MIB1: variants seen among roughly 807,000 people sequenced by gnomAD.
MIB1 encodes the protein E3 ubiquitin-protein ligase MIB1.
MIB1 carries 278 observed loss-of-function variants against 124.5 expected under a neutral mutation model. The observed-to-expected ratio is 2.23, with a 90% CI of 2.02 to 2.47. The LOEUF is 2.47. Among genes scored for constraint, MIB1 ranks in the 30% most tolerant of loss-of-function variants. The probability of loss-of-function intolerance (pLI) is 0.00; values close to 1 mark genes in which losing one functional copy is unlikely to be tolerated. For synonymous variants in MIB1, 446 were observed against 429.4 expected (o/e 1.04, Z -0.48); for missense variants, 957 against 1,254.4 (o/e 0.76, Z 3.58).
intron 12 of MIB1, among the ~76,000 whole-genome samples, chr18:21,825,193 T>C (rs913369531): frequency 2.6e-5 from 4 of 152,118 alleles, no homozygotes; most frequent in African/African-American, 9.6e-5. Context: ...CCTGCTAACA[T>C]TCAGGTAAAT....
At chr18:21,818,267 T>C (rs1057479712) in intron 11 of MIB1, among the ~76,000 whole-genome samples, 1 of 152,002 alleles carries the variant, frequency 6.6e-6, no homozygotes, top group African/African-American at 2.4e-5. Context: ...TTTTTTTCTC[T>C]TTTTTTTCCT....
At position 21,741,512 on chromosome 18, in the gene MIB1, T is replaced by A. The variant is rs985992927; in HGVS notation, c.-72T>A. 2.8e-6 allele frequency: 3 copies of A among 1,055,190 alleles called. No homozygotes were observed. Among genetic ancestry groups the A allele is most frequent in the Non-Finnish European group, 3.6e-6 (3 of 838,694 alleles). 65.4% of individuals were successfully genotyped at this position (1,055,190 alleles called of 1,614,324 possible). ...GCCTAGAGTCCGGCCCGGGCCCAAC[T>A]CCCTCACGGGCCCCCCGGCGGCAGC... On this transcript the variant is annotated 5_prime_UTR_variant, in exon 1 of 21. Transcript: ENST00000261537. This position sits in a 1 kb window ranked among gnomAD's most constrained non-coding sequence, Gnocchi z 5.4.
intron 1 of MIB1, among the ~76,000 whole-genome samples, chr18:21,755,334 CTT>C (rs33999789): frequency 1.8e-4 from 25 of 139,734 alleles, no homozygotes; most frequent in Admixed American, 3.6e-4. Flanking sequence ...AAACAACTGG[CTT>C]TTTTTTTTTT....
intron 12 of MIB1, chr18:21,831,452 G>A (rs1270535996): frequency 6.6e-6 from 1 of 151,970 alleles, no homozygotes; most frequent in African/African-American, 2.4e-5. Flanking sequence ...CTAAGCATTT[G>A]AAACATGCAC....
intron 1 of MIB1, among the ~76,000 whole-genome samples, chr18:21,732,970 C>T (rs1242367168): frequency 6.6e-6 from 1 of 152,178 alleles, no homozygotes; most frequent in East Asian, 1.9e-4. Context: ...CAAAATCCCT[C>T]CAGCATCTCA....
chr18:21,794,726 A>G (rs1197722966), intron 7 of MIB1, among the ~76,000 whole-genome samples: 1 of 152,158 alleles, frequency 6.6e-6, no homozygotes, highest in Non-Finnish European at 1.5e-5. Flanking sequence ...TATTGGTGCT[A>G]AAGGAAAGAA....
At chr18:21,845,060 G>C (rs1283053146) in intron 15 of MIB1, among the ~76,000 whole-genome samples, 2 of 151,792 alleles carry the variant, frequency 1.3e-5, no homozygotes, top group African/African-American at 4.8e-5. Context: ...GCCCAGGCTG[G>C]AGTGCAGTGG....
intron 6 of MIB1, among the ~76,000 whole-genome samples, chr18:21,788,732 A>ATT (rs1598611561): frequency 6.6e-6 from 1 of 152,238 alleles, no homozygotes; most frequent in East Asian, 1.9e-4. Flanking sequence ...AAGAATCCAC[A>ATT]AAAGCTATTG....
chr18:21,741,772 C>A lies in MIB1; in HGVS notation c.189C>A (p.Ser63=). The part of the protein sequence containing the change: ...DNGTAANYRC[S]GAYDLRILDS... Reference sequence around the variant, plus strand: ...GCACAGCTGCCAACTACCGCTGCTCCGGGGCTTACGACCTCCGCATCCTGG... The same window carrying A: ...GCACAGCTGCCAACTACCGCTGCTCAGGGGCTTACGACCTCCGCATCCTGG... The change falls in exon 1 of 21, where the codon TCC becomes TCA. Residue 63 remains serine (S), a synonymous_variant. Coordinates refer to ENST00000261537, the MANE Select transcript of MIB1 (RefSeq NM_020774.4). This position sits in a 1 kb window ranked among gnomAD's most constrained non-coding sequence, Gnocchi z 5.4. The A allele has an allele frequency of 6.2e-7, 1 of 1,609,092 alleles. No individual in the cohort carries two copies.
At chr18:21,807,560 C>T (rs1315975732) in intron 10 of MIB1, among the ~76,000 whole-genome samples, 1 of 152,140 alleles carries the variant, frequency 6.6e-6, no homozygotes, top group Non-Finnish European at 1.5e-5. Context: ...CAGCTGGGGG[C>T]ATTTAGGCTC....
intron 1 of MIB1, among the ~76,000 whole-genome samples, chr18:21,744,419 T>C (rs1482019262): frequency 6.6e-6 from 1 of 152,238 alleles, no homozygotes; most frequent in Non-Finnish European, 1.5e-5. Flanking sequence ...TCTTAGCAAG[T>C]ACAATGATCA....
upstream of MIB1, among the ~76,000 whole-genome samples, chr18:21,737,587 T>C (rs911266177): frequency 1.3e-5 from 2 of 152,010 alleles, no homozygotes; most frequent in Non-Finnish European, 2.9e-5. Flanking sequence ...CACTGGCAAA[T>C]TGGATAAAGA....
rs1387205895 is a variant in MIB1, at chr18:21,775,530, C to T, written c.636+1802C>T. Among the ~76,000 whole-genome samples the T allele has an allele frequency of 2.0e-5, 3 of 152,224 alleles. No individual in the cohort carries two copies. In the East Asian group the frequency reaches 5.8e-4, roughly 29 times the overall value. On this transcript the variant is annotated intron_variant, in intron 4 of 20. Coordinates refer to ENST00000261537, the MANE Select transcript of MIB1 (RefSeq NM_020774.4). ...ATGCTGAGACTACTAGCATGAGCTA[C>T]TACAGCTGACCAATTCATGCCACTT...
intron 12 of MIB1, chr18:21,831,440 A>C (rs1021385509): frequency 1.3e-5 from 2 of 152,110 alleles, no homozygotes; most frequent in African/African-American, 4.8e-5. Flanking sequence ...CTTTATAGGC[A>C]GCTAAGCATT....
chr18:21,826,060 C>G (rs183939400), intron 12 of MIB1: 1 of 224,982 alleles, frequency 4.4e-6, no homozygotes, highest in African/African-American at 2.4e-5. Context: ...TGTCCACAGC[C>G]GAAGTCTTTG....
chr18:21,862,628 T>A (rs1161163107), intron 20 of MIB1, among the ~76,000 whole-genome samples: 1 of 152,174 alleles, frequency 6.6e-6, no homozygotes, highest in Admixed American at 6.5e-5. Context: ...GAATCTACAT[T>A]GATAGTAATA....
intron 1 of MIB1, among the ~76,000 whole-genome samples, chr18:21,715,146 G>C (rs1390988605): frequency 6.6e-6 from 1 of 152,176 alleles, no homozygotes; most frequent in Admixed American, 6.6e-5. Context: ...TACTGTGCTG[G>C]TATCCACAGC....
At chr18:21,750,796 T>C (rs1390216063) in intron 1 of MIB1, among the ~76,000 whole-genome samples, 1 of 152,172 alleles carries the variant, frequency 6.6e-6, no homozygotes, top group Non-Finnish European at 1.5e-5. Flanking sequence ...CCTTTTTCAT[T>C]GTGTTGGTTT....
chr18:21,756,170 C>A (rs1188958084), intron 1 of MIB1, among the ~76,000 whole-genome samples: 1 of 152,160 alleles, frequency 6.6e-6, no homozygotes, highest in Admixed American at 6.5e-5. Context: ...TACTGAGCTC[C>A]AGTCATGTGT....
Sources: allele counts gnomAD v4.1 joint callset (sites outside exome capture counted in the v4.1 genomes callset), GRCh38; gene constraint gnomAD v4.1.1; non-coding constraint Gnocchi (gnomAD v3.1); transcripts MANE v1.5; gene names NCBI Gene and HGNC (gene_info 2026-07-23, HGNC 2026-07-21).